SEPTIN9: variants seen among roughly 807,000 people sequenced by gnomAD.
SEPTIN9 encodes the protein septin 9.
A neutral mutation model predicts 56.6 loss-of-function variants in SEPTIN9; 13 were observed. That is an observed-to-expected ratio of 0.23 (90% CI 0.15 to 0.37). SEPTIN9 has a LOEUF of 0.37. Ranked by LOEUF, SEPTIN9 falls within the 10% of genes least tolerant of loss-of-function variation. SEPTIN9 has a pLI of 1.00. For synonymous variants in SEPTIN9, 332 were observed against 334.1 expected (o/e 0.99, Z 0.07); for missense variants, 650 against 823.1 (o/e 0.79, Z 2.57).
At chr17:77,397,347 A>G (rs1488462254) in intron 2 of SEPTIN9, among the ~76,000 whole-genome samples, 1 of 152,026 alleles carries the variant, frequency 6.6e-6, no homozygotes, top group Non-Finnish European at 1.5e-5. Context: ...TTTGTGTCCC[A>G]AGTCCCCTTC....
chr17:77,489,229 C>G (rs544720272), intron 7 of SEPTIN9, among the ~76,000 whole-genome samples: 1 of 152,176 alleles, frequency 6.6e-6, no homozygotes, highest in African/African-American at 2.4e-5. Context: ...CCTTCTCATC[C>G]GGGCCCTGCC....
chr17:77,451,483 CGCGGCTCTCGGCGCGTCCAGCGCA>C lies in SEPTIN9; in HGVS notation c.722-30658_722-30635del. 4.1e-6 allele frequency: 4 copies of C among 985,826 alleles called. No homozygotes were observed. The highest frequency in any genetic ancestry group is 4.8e-6 in the Non-Finnish European group (4 of 830,254). 61.1% of individuals were successfully genotyped at this position (985,826 alleles called of 1,614,324 possible). On this transcript the variant is annotated intron_variant, in intron 3 of 11. Transcript: ENST00000427177. The surrounding 1 kb of genome is among the most constrained non-coding windows in gnomAD (Gnocchi z 4.2). The stretch of plus-strand genomic sequence containing the variant: ...GAGCCATGTGACCCGGTGGGCGGGC[CGCGGCTCTCGGCGCGTCCAGCGCA>C]GCCCGACGTTCCGCTGCTGGGGTGA...
chr17:77,313,809 C>A lies in SEPTIN9; in HGVS notation c.76+6612C>A, dbSNP rs1299034506. On this transcript the variant is annotated intron_variant, in intron 2 of 11. Coordinates refer to ENST00000427177, the MANE Select transcript of SEPTIN9 (RefSeq NM_001113491.2). This position sits in a 1 kb window ranked among gnomAD's most constrained non-coding sequence, Gnocchi z 4.5. ...GCAGTGGCACAATTATAGCTCACTG[C>A]AGCCTCAACCTGCCAGGCTCAAGGG... Among the ~76,000 whole-genome samples, 4 of 152,024 alleles carry A rather than the reference C, an allele frequency of 2.6e-5. No homozygotes were observed. Among genetic ancestry groups the A allele is most frequent in the African/African-American group, 7.2e-5 (3 of 41,394 alleles).
chr17:77,353,105 G>A (rs58965067), intron 2 of SEPTIN9, among the ~76,000 whole-genome samples: 4,016 of 152,200 alleles, frequency 0.026, 178 homozygotes, highest in African/African-American at 0.091. Flanking sequence ...GTCTTTTGGG[G>A]GAACACAATT....
chr17:77,284,180 G>T (rs1219680117), intron 1 of SEPTIN9, among the ~76,000 whole-genome samples: 1 of 152,120 alleles, frequency 6.6e-6, no homozygotes, highest in Non-Finnish European at 1.5e-5. Context: ...AGCCCAGGAG[G>T]CTACTCAGGA....
chr17:77,481,983 C>A, intron 3 of SEPTIN9, 161 bp from the exon 4 acceptor site: 1 of 658,468 alleles, frequency 1.5e-6, no homozygotes, highest in Non-Finnish European at 2.6e-6. Flanking sequence ...CAGGGACATC[C>A]ACCCGGGGGA....
intron 2 of SEPTIN9, among the ~76,000 whole-genome samples, chr17:77,325,155 C>T (rs1234023834): frequency 6.6e-6 from 1 of 152,180 alleles, no homozygotes; most frequent in African/African-American, 2.4e-5. Flanking sequence ...TGACGTTCCA[C>T]TTTATCTATT....
chr17:77,338,839 A>G (rs925303191), intron 2 of SEPTIN9, among the ~76,000 whole-genome samples: 1 of 152,248 alleles, frequency 6.6e-6, no homozygotes, highest in African/African-American at 2.4e-5. Context: ...TCAAAATTAG[A>G]GTCAATTCTT....
chr17:77,454,788 C>G (rs907651410), intron 3 of SEPTIN9, among the ~76,000 whole-genome samples: 1 of 152,262 alleles, frequency 6.6e-6, no homozygotes. Flanking sequence ...GAGAGCTTAA[C>G]ACCCAGAGGT....
chr17:77,497,466 G>A, intron 11 of SEPTIN9, 100 bp downstream of exon 11: 3 of 1,132,090 alleles, frequency 2.6e-6, no homozygotes, highest in Non-Finnish European at 3.9e-6. Flanking sequence ...CCTGGGCAGA[G>A]TGGGTGCCCC....
At position 77,334,323 on chromosome 17, in the gene SEPTIN9, G is replaced by A. The variant is rs187098812; in HGVS notation, c.76+27126G>A. 6.5e-3 allele frequency among the ~76,000 whole-genome samples: 977 copies of A among 151,468 alleles called. 9 individuals carry two copies. The highest frequency in any genetic ancestry group is 0.022 in the African/African-American group (922 of 41,228). On this transcript the variant is annotated intron_variant, in intron 2 of 11. Coordinates refer to ENST00000427177, the MANE Select transcript of SEPTIN9 (RefSeq NM_001113491.2). ...TGTAGTCCCAGATAATCGGGAGGCC[G>A]AGGCAGGAAAATGGTGTGAACCTGG...
Position 77,487,392 on chromosome 17 carries a change from G to A in SEPTIN9, c.914-32G>A, listed in dbSNP as rs1366458799. 1 of 1,576,390 alleles carries A rather than the reference G, an allele frequency of 6.3e-7. No individual in the cohort carries two copies. Among genetic ancestry groups the A allele is most frequent in the Non-Finnish European group, 8.6e-7 (1 of 1,162,188 alleles). On this transcript the variant is annotated intron_variant, in intron 4 of 11. Transcript: ENST00000427177. This position sits in a 1 kb window ranked among gnomAD's most constrained non-coding sequence, Gnocchi z 4.3. ...CAGACCCTGCTGGTCTCTCCGGAGA[G>A]ACCCCTGACCGGCCTCCCATCCTCT...
rs534516134 is a variant in SEPTIN9, at chr17:77,435,525, C to T, written c.721+32822C>T. ...TCGTGCCCCAGTGCCGCCTGCCCTA[C>T]ACCTGATTGGCAGCAGAGTGGCCCC... is the stretch of plus-strand genomic sequence containing the variant. On this transcript the variant is annotated intron_variant, in intron 3 of 11. Transcript: ENST00000427177. This position sits in a 1 kb window ranked among gnomAD's most constrained non-coding sequence, Gnocchi z 4.5. Among the ~76,000 whole-genome samples, 3 of 152,330 alleles carry T rather than the reference C, an allele frequency of 2.0e-5. No homozygotes were observed. Among genetic ancestry groups the T allele is most frequent in the South Asian group, 2.1e-4 (1 of 4,832 alleles).
chr17:77,384,074 C>T (rs969592790), intron 2 of SEPTIN9, among the ~76,000 whole-genome samples: 5 of 152,170 alleles, frequency 3.3e-5, no homozygotes, highest in South Asian at 2.1e-4. Flanking sequence ...CAAGGGCTGT[C>T]GAGCAGGGAG....
At chr17:77,290,078 T>C (rs1372727425) in intron 1 of SEPTIN9, among the ~76,000 whole-genome samples, 1 of 152,082 alleles carries the variant, frequency 6.6e-6, no homozygotes, top group Non-Finnish European at 1.5e-5. Flanking sequence ...CATTGCATCT[T>C]GTAGGGAACC....
intron 2 of SEPTIN9, among the ~76,000 whole-genome samples, chr17:77,331,314 G>A (rs1257350919): frequency 6.6e-6 from 1 of 152,206 alleles, no homozygotes. Context: ...AGGGAGAGAG[G>A]AAGAGGCTGG....
In SEPTIN9 at chr17:77,499,896, G is replaced by A. The variant is rs530422321; in HGVS notation, c.*1238G>A. 6.4e-5 allele frequency: 18 copies of A among 281,688 alleles called. No homozygotes were observed. The highest frequency in any genetic ancestry group is 1.1e-4 in the East Asian group (2 of 18,678). 17.4% of individuals were successfully genotyped at this position (281,688 alleles called of 1,614,324 possible). On this transcript the variant is annotated 3_prime_UTR_variant, in exon 12 of 12. Transcript: ENST00000427177. ...AACCCCTAGAAAGGAGAGAACGGGC[G>A]TCAGGGGTGCACAGTCCACAGCTGA...
At chr17:77,283,624 C>T (rs1373824647) in intron 1 of SEPTIN9, among the ~76,000 whole-genome samples, 1 of 152,150 alleles carries the variant, frequency 6.6e-6, no homozygotes, top group East Asian at 1.9e-4. Context: ...ATTTTTTCAT[C>T]TAGACTGTGC....
Position 77,498,779 on chromosome 17 carries a change from T to G in SEPTIN9, c.*121T>G. ...CCATTTGTCATCGTTCCCCACCCCT[T>G]CGACATGCTGCCAGGAAACAAGGGA... On this transcript the variant is annotated 3_prime_UTR_variant, in exon 12 of 12. Transcript: ENST00000427177. 1 of 615,438 alleles carries G rather than the reference T, an allele frequency of 1.6e-6. No homozygotes were observed. Among genetic ancestry groups the G allele is most frequent in the Non-Finnish European group, 2.9e-6 (1 of 348,198 alleles). 38.1% of individuals were successfully genotyped at this position (615,438 alleles called of 1,614,324 possible).
Sources: gnomAD v4.1 joint callset for allele counts (sites outside exome capture counted in the v4.1 genomes callset) on GRCh38, gnomAD v4.1.1 for gene constraint, Gnocchi (gnomAD v3.1) non-coding constraint, MANE v1.5 for transcripts, NCBI Gene and HGNC (gene_info 2026-07-23, HGNC 2026-07-21) for gene names.